The following KCMF1 variants were observed in gnomAD, a reference collection of about 807,000 sequenced individuals.
The protein encoded by KCMF1 is potassium channel modulatory factor 1, also known as E3 ubiquitin-protein ligase KCMF1.
In KCMF1, 3 loss-of-function variants were observed where a neutral mutation model predicts 41.1. The ratio of observed to expected loss-of-function variants is 0.07; its 90% CI spans 0.03 to 0.19. The LOEUF is 0.19. Among genes scored for constraint, KCMF1 ranks in the 10% least tolerant of loss-of-function variants. The pLI, the probability that KCMF1 is intolerant of heterozygous loss-of-function variation, is 1.00. For missense variants in KCMF1, 286 were observed against 488.9 expected (o/e 0.58, Z 3.91); for synonymous variants, 142 against 164.5 (o/e 0.86, Z 1.04).
intron 1 of KCMF1, among the ~76,000 whole-genome samples, chr2:84,972,737 T>C (rs1384078057): frequency 2.0e-5 from 3 of 152,312 alleles, no homozygotes; most frequent in Non-Finnish European, 4.4e-5. Context: ...TTAGAACAAG[T>C]TTCAAAATTC....
chr2:85,038,179 G>A (rs1027385685), intron 3 of KCMF1, among the ~76,000 whole-genome samples: 1 of 152,128 alleles, frequency 6.6e-6, no homozygotes, highest in Non-Finnish European at 1.5e-5. Flanking sequence ...GAATGGAATC[G>A]ACAGGGAAAA....
chr2:85,053,246 T>C lies in KCMF1; in HGVS notation c.983T>C (p.Leu328Ser), dbSNP rs1328481838. ...GTCCAAGAGCTCCTTCTGTCCACTT[T>C]AGTGCGTGAAGAGAGCTCATCCTCA... ...LFVQELLLSTLVREESSSSDE... is the reference protein window; with the variant it reads ...LFVQELLLSTSVREESSSSDE... Residue 328 changes from leucine (L) to serine (S), a missense_variant, in exon 7 of 7, where the codon TTA (leucine) becomes TCA (serine). Leu to Ser is a moderately radical substitution (Grantham distance 145, BLOSUM62 -2). Transcript: ENST00000409785. 3 of 1,613,880 alleles carry C rather than the reference T, an allele frequency of 1.9e-6. No individual in the cohort carries two copies. The highest frequency in any genetic ancestry group is 2.5e-6 in the Non-Finnish European group (3 of 1,179,886).
At chr2:85,032,046 T>G (rs1276943627) in intron 2 of KCMF1, among the ~76,000 whole-genome samples, 1 of 152,222 alleles carries the variant, frequency 6.6e-6, no homozygotes, top group African/African-American at 2.4e-5. Flanking sequence ...TTTTTAAATT[T>G]TATTTTTGAA....
At chr2:85,018,546 A>G (rs1674846196) in intron 1 of KCMF1, among the ~76,000 whole-genome samples, 1 of 152,072 alleles carries the variant, frequency 6.6e-6, no homozygotes, top group Non-Finnish European at 1.5e-5. Flanking sequence ...CTGGGATTAC[A>G]GGCATGAGCC....
intron 1 of KCMF1, among the ~76,000 whole-genome samples, chr2:84,974,857 C>G (rs546519968): frequency 1.3e-5 from 2 of 151,084 alleles, no homozygotes; most frequent in Admixed American, 6.6e-5. Context: ...AGGCGCCCAC[C>G]ACTGCGCCCG....
intron 1 of KCMF1, among the ~76,000 whole-genome samples, chr2:85,008,263 C>T (rs865940853): frequency 5.4e-4 from 37 of 68,800 alleles, no homozygotes; most frequent in Non-Finnish European, 9.6e-4. Flanking sequence ...TATTATATAT[C>T]ATATATAATA....
chr2:85,056,127 T>A lies in KCMF1; in HGVS notation c.*2718T>A, dbSNP rs939969233. 6.6e-6 allele frequency: 1 copy of A among 150,412 alleles called. No homozygotes were observed. Among genetic ancestry groups the A allele is most frequent in the African/African-American group, 2.5e-5 (1 of 40,786 alleles). 9.3% of individuals were successfully genotyped at this position (150,412 alleles called of 1,614,324 possible). ...CATTGTTTTGTTAAAAAAAAAAAAA[T>A]CCACAGAAGTAGAACCTAGGTTTGC... On this transcript the variant is annotated 3_prime_UTR_variant, in exon 7 of 7. Transcript: ENST00000409785.
chr2:85,026,491 TA>T (rs1675108175), intron 1 of KCMF1, among the ~76,000 whole-genome samples: 2 of 147,138 alleles, frequency 1.4e-5, no homozygotes, highest in African/African-American at 5.0e-5. Context: ...TTATTATTAT[TA>T]TTATTTTTAT....
At chr2:85,024,914 C>T (rs533337107) in intron 1 of KCMF1, among the ~76,000 whole-genome samples, 2 of 152,232 alleles carry the variant, frequency 1.3e-5, no homozygotes, top group Admixed American at 6.5e-5. Flanking sequence ...CGTTCTATTC[C>T]ATGGGCCAGT....
intron 6 of KCMF1, among the ~76,000 whole-genome samples, chr2:85,052,269 C>T (rs1415489007): frequency 6.6e-6 from 1 of 152,124 alleles, no homozygotes; most frequent in African/African-American, 2.4e-5. Flanking sequence ...TGGGGTTTCA[C>T]CACATTAGCC....
intron 1 of KCMF1, among the ~76,000 whole-genome samples, chr2:85,021,728 G>T (rs1674947635): frequency 6.6e-6 from 1 of 151,968 alleles, no homozygotes; most frequent in Non-Finnish European, 1.5e-5. Flanking sequence ...AAACTTCATA[G>T]ATGAAGAGAA....
intron 1 of KCMF1, among the ~76,000 whole-genome samples, chr2:85,008,335 A>ATGATATATATTAT (rs1558573516): frequency 1.6e-3 from 24 of 15,000 alleles, no homozygotes; most frequent in African/African-American, 2.5e-3. Flanking sequence ...TATAATATAT[A>ATGATATATATTAT]ATATGATATA....
chr2:84,972,043 A>G (rs1482961433), intron 1 of KCMF1: 1 of 151,972 alleles, frequency 6.6e-6, no homozygotes, highest in Non-Finnish European at 1.5e-5. Context: ...CGCCGCCTGG[A>G]GCCCGCCCCG....
At chr2:84,993,425 T>C (rs1456786114) in intron 1 of KCMF1, among the ~76,000 whole-genome samples, 1 of 152,096 alleles carries the variant, frequency 6.6e-6, no homozygotes, top group Non-Finnish European at 1.5e-5. Flanking sequence ...TAATCACTTT[T>C]TTCTGTTGGG....
In KCMF1 at chr2:85,005,271, A is replaced by AT. The variant is rs371305965; in HGVS notation, c.17-22614dup. Among the ~76,000 whole-genome samples, 7 of 149,808 alleles carry AT rather than the reference A, an allele frequency of 4.7e-5. No homozygotes were observed. The East Asian group carries it at 1.4e-3, about 30-fold the overall frequency. On this transcript the variant is annotated intron_variant, in intron 1 of 6. Transcript: ENST00000409785. Reference sequence around the variant, plus strand: ...ATTTCTAGGGTACGTACATGGTGATATTTTGCTTTTTTATTTATTTATTTA... The same window carrying AT: ...ATTTCTAGGGTACGTACATGGTGATATTTTTGCTTTTTTATTTATTTATTTA...
intron 3 of KCMF1, among the ~76,000 whole-genome samples, chr2:85,042,476 C>T (rs899892041): frequency 1.3e-5 from 2 of 152,130 alleles, no homozygotes; most frequent in Non-Finnish European, 2.9e-5. Flanking sequence ...TGACCAATTG[C>T]CTAGATTTTG....
chr2:84,978,803 C>T (rs902006559), intron 1 of KCMF1, among the ~76,000 whole-genome samples: 2 of 152,062 alleles, frequency 1.3e-5, no homozygotes, highest in Admixed American at 1.3e-4. Flanking sequence ...ACAACCTCCA[C>T]TTCCTGGGTT....
chr2:84,982,026 G>A (rs1050263168), intron 1 of KCMF1, among the ~76,000 whole-genome samples: 5 of 151,668 alleles, frequency 3.3e-5, no homozygotes, highest in South Asian at 2.1e-4. Flanking sequence ...CAGTTGGTCC[G>A]CCTGCCTCTG....
chr2:85,029,677 A>ATTTTTT (rs1178504248), intron 2 of KCMF1, among the ~76,000 whole-genome samples: 2 of 130,664 alleles, frequency 1.5e-5, no homozygotes, highest in South Asian at 2.4e-4. Context: ...TCATGCTATA[A>ATTTTTT]TTTTTTTTTT....
Sources: allele counts gnomAD v4.1 joint callset (sites outside exome capture counted in the v4.1 genomes callset), GRCh38; gene constraint gnomAD v4.1.1; transcripts MANE v1.5; gene names NCBI Gene and HGNC (gene_info 2026-07-23, HGNC 2026-07-21).